Variants in CDC42SE2 observed in about 807,000 individuals in gnomAD.
CDC42SE2 encodes CDC42 small effector 2.
CDC42SE2 carries 3 observed loss-of-function variants against 11.5 expected under a neutral mutation model. That is an observed-to-expected ratio of 0.26 (90% CI 0.12 to 0.67). The LOEUF (loss-of-function observed/expected upper bound fraction) is 0.67, where lower values mean the gene tolerates loss of function less well. Among genes scored for constraint, CDC42SE2 ranks in the 30% least tolerant of loss-of-function variants. The pLI is 0.80. For missense variants in CDC42SE2, 82 were observed against 106.8 expected, an observed-to-expected ratio of 0.77 and a Z score of 1.02; for synonymous variants, 33 against 34.8, an observed-to-expected ratio of 0.95 and a Z score of 0.18.
chr5:131,345,338 C>A (rs1030419707), intron 2 of CDC42SE2, among the ~76,000 whole-genome samples: 1 of 151,982 alleles, frequency 6.6e-6, no homozygotes, highest in East Asian at 1.9e-4. Flanking sequence ...AACCATGGCA[C>A]AAGAACTACG....
rs187116948 is a variant in CDC42SE2, at chr5:131,287,098, G to A, written c.-455+22932G>A. Among the ~76,000 whole-genome samples the A allele has an allele frequency of 1.5e-3, 232 of 152,236 alleles. 1 individual carries two copies. The highest frequency in any genetic ancestry group is 5.2e-3 in the African/African-American group (216 of 41,538). ...CAACCTCTGCCTCCTGGGTTCAAGC[G>A]ATTCTCGTGCCTCAGTCTCCCAAGT... On this transcript the variant is annotated intron_variant, in intron 1 of 4. Coordinates refer to ENST00000505065, the MANE Select transcript of CDC42SE2 (RefSeq NM_001375635.1).
chr5:131,329,941 T>C (rs530298063), intron 2 of CDC42SE2, among the ~76,000 whole-genome samples: 1 of 137,454 alleles, frequency 7.3e-6, no homozygotes, highest in South Asian at 2.6e-4. Context: ...GCTCCAGTTA[T>C]CTATCACTGT....
the CDC42SE2 span, among the ~76,000 whole-genome samples, chr5:131,227,742 G>C: frequency 4.6e-5 from 7 of 151,622 alleles, no homozygotes; most frequent in African/African-American, 1.7e-4. Context: ...GTGATATAAA[G>C]AAGTTTAAAA....
intron 1 of CDC42SE2, among the ~76,000 whole-genome samples, chr5:131,285,603 C>T (rs770017517): frequency 5.9e-5 from 9 of 152,134 alleles, no homozygotes; most frequent in Non-Finnish European, 1.2e-4. Context: ...AGTATTGTTT[C>T]TTTCAGAGCT....
chr5:131,384,084 G>A (rs73251115), intron 3 of CDC42SE2, among the ~76,000 whole-genome samples: 120 of 152,312 alleles, frequency 7.9e-4, no homozygotes, highest in African/African-American at 2.8e-3. Flanking sequence ...TCAGATAACC[G>A]TGTGCCACGC....
intron 2 of CDC42SE2, among the ~76,000 whole-genome samples, chr5:131,347,450 A>T (rs2149759061): frequency 6.6e-6 from 1 of 152,336 alleles, no homozygotes; most frequent in East Asian, 1.9e-4. Flanking sequence ...CTAAACCAGG[A>T]AGAAGTTGAA....
chr5:131,357,576 A>G (rs535413825), intron 2 of CDC42SE2, among the ~76,000 whole-genome samples: 1 of 152,324 alleles, frequency 6.6e-6, no homozygotes, highest in East Asian at 1.9e-4. Flanking sequence ...AAGCTTATAA[A>G]TGTGTGAGGT....
intron 1 of CDC42SE2, among the ~76,000 whole-genome samples, chr5:131,282,556 T>C (rs1757257643): frequency 6.6e-6 from 1 of 152,146 alleles, no homozygotes; most frequent in Admixed American, 6.5e-5. Flanking sequence ...TTTTTCTTCT[T>C]TGGGGGGAGA....
intron 2 of CDC42SE2, among the ~76,000 whole-genome samples, chr5:131,350,580 G>A (rs1758981799): frequency 6.6e-6 from 1 of 151,190 alleles, no homozygotes; most frequent in Non-Finnish European, 1.5e-5. Flanking sequence ...TATAAACAAA[G>A]TTAAAAGTGA....
intron 2 of CDC42SE2, among the ~76,000 whole-genome samples, chr5:131,326,312 C>T (rs978772360): frequency 1.3e-5 from 2 of 152,042 alleles, no homozygotes; most frequent in African/African-American, 2.4e-5. Context: ...ACTGTGTTAG[C>T]CAGGATGGTC....
the CDC42SE2 span, among the ~76,000 whole-genome samples, chr5:131,224,840 G>A: frequency 6.6e-6 from 1 of 151,592 alleles, no homozygotes; most frequent in African/African-American, 2.4e-5. Context: ...AAAGCAGAAG[G>A]TCAGGCAAGG....
At chr5:131,327,892 G>T (rs529376876) in intron 2 of CDC42SE2, among the ~76,000 whole-genome samples, 1 of 152,186 alleles carries the variant, frequency 6.6e-6, no homozygotes, top group South Asian at 2.1e-4. Flanking sequence ...GGTCTGTTTT[G>T]TGCTGCTATA....
At chr5:131,347,016 A>G (rs1260384860) in intron 2 of CDC42SE2, among the ~76,000 whole-genome samples, 2 of 152,236 alleles carry the variant, frequency 1.3e-5, no homozygotes, top group African/African-American at 2.4e-5. Context: ...AGGGAAATTT[A>G]TAGCACTAAA....
At chr5:131,321,572 A>C (rs970882766) in intron 2 of CDC42SE2, among the ~76,000 whole-genome samples, 5 of 152,194 alleles carry the variant, frequency 3.3e-5, no homozygotes, top group Admixed American at 2.0e-4. Flanking sequence ...ATGCTACATA[A>C]AAATATTTCA....
chr5:131,312,430 G>T (rs1042992547), intron 1 of CDC42SE2, among the ~76,000 whole-genome samples: 1 of 152,210 alleles, frequency 6.6e-6, no homozygotes. Flanking sequence ...GGAGCCTACA[G>T]AGGCAGGCAG....
At chr5:131,292,534 C>G (rs1470703413) in intron 1 of CDC42SE2, among the ~76,000 whole-genome samples, 1 of 143,272 alleles carries the variant, frequency 7.0e-6, no homozygotes, top group African/African-American at 2.6e-5. Context: ...CACTCCAGCC[C>G]GGGTGACAGA....
intron 3 of CDC42SE2, among the ~76,000 whole-genome samples, chr5:131,368,083 C>T (rs913696710): frequency 6.6e-6 from 1 of 151,816 alleles, no homozygotes; most frequent in Non-Finnish European, 1.5e-5. Context: ...GAAACCCTGT[C>T]TCTACTAAAA....
chr5:131,235,688 G>A, the CDC42SE2 span, among the ~76,000 whole-genome samples: 8 of 151,740 alleles, frequency 5.3e-5, no homozygotes, highest in Admixed American at 3.9e-4. Context: ...TCCACCTCCC[G>A]AGTTCAAGCA....
At chr5:131,213,632 G>C in the CDC42SE2 span, among the ~76,000 whole-genome samples, 1 of 151,916 alleles carries the variant, frequency 6.6e-6, no homozygotes, top group Admixed American at 6.6e-5. Context: ...TTTTAGTTTT[G>C]TAGAGACAGG....
Sources: gnomAD v4.1 joint callset for allele counts (sites outside exome capture counted in the v4.1 genomes callset) on GRCh38, gnomAD v4.1.1 for gene constraint, MANE v1.5 for transcripts, NCBI Gene and HGNC (gene_info 2026-07-23, HGNC 2026-07-21) for gene names.